Variants in OTOG observed in about 807,000 individuals in gnomAD.
OTOG encodes the protein otogelin.
A neutral mutation model predicts 313.8 loss-of-function variants in OTOG; 296 were observed. That is an observed-to-expected ratio of 0.94 (90% confidence interval 0.86 to 1.04). The LOEUF (loss-of-function observed/expected upper bound fraction) is 1.04. Among genes scored for constraint, OTOG ranks in the 50% least tolerant of loss-of-function variants. The probability of loss-of-function intolerance (pLI) is 0.00; values close to 1 mark genes in which losing one functional copy is unlikely to be tolerated. For synonymous variants in OTOG, 1,533 were observed against 1,554.9 expected, an observed-to-expected ratio of 0.99 and a Z score of 0.33; for missense variants, 3,948 against 3,840.1, an observed-to-expected ratio of 1.03 and a Z score of -0.74.
chr11:17,550,132 A>G (rs1033443793), intron 3 of OTOG, among the ~76,000 whole-genome samples: 5 of 152,294 alleles, frequency 3.3e-5, no homozygotes, highest in African/African-American at 1.2e-4. Flanking sequence ...AAACCACAAG[A>G]GTATTTGCAG....
chr11:17,577,010 G>C (rs954005991), intron 22 of OTOG, 99 bp downstream of exon 22: 17 of 1,268,308 alleles, frequency 1.3e-5, no homozygotes, highest in Non-Finnish European at 1.8e-5. Context: ...GCCCACTCCA[G>C]GTTTTGCCCT....
chr11:17,566,489 A>C (rs532735230), intron 15 of OTOG, among the ~76,000 whole-genome samples: 7 of 152,286 alleles, frequency 4.6e-5, no homozygotes, highest in African/African-American at 1.7e-4. Context: ...CATAAGTATA[A>C]ATATTTCTCT....
chr11:17,627,455 A>T (rs1191693465), intron 39 of OTOG, among the ~76,000 whole-genome samples: 1 of 152,128 alleles, frequency 6.6e-6, no homozygotes, highest in Non-Finnish European at 1.5e-5. Flanking sequence ...ACTTGGTCAC[A>T]ATTAATGATC....
At chr11:17,557,087 A>G in intron 7 of OTOG, 31 bp from the exon 8 acceptor site, 1 of 1,543,604 alleles carries the variant, frequency 6.5e-7, no homozygotes, top group Non-Finnish European at 8.7e-7. Context: ...GGTGTTGTGG[A>G]TACCCTGAAG....
chr11:17,632,054 C>T (rs1457705105), intron 41 of OTOG, 34 bp from the exon 42 acceptor site: 10 of 1,545,558 alleles, frequency 6.5e-6, no homozygotes, highest in South Asian at 4.8e-5. Flanking sequence ...ATGTGCCATC[C>T]GAGTAACCAG....
At chr11:17,570,883 T>C (rs1406843660) in intron 17 of OTOG, among the ~76,000 whole-genome samples, 1 of 152,260 alleles carries the variant, frequency 6.6e-6, no homozygotes, top group South Asian at 2.1e-4. Context: ...ACCAGGCCAG[T>C]CTAACCCTTG....
intron 39 of OTOG, among the ~76,000 whole-genome samples, chr11:17,619,824 T>C (rs1429297983): frequency 6.6e-6 from 1 of 152,252 alleles, no homozygotes; most frequent in Non-Finnish European, 1.5e-5. Flanking sequence ...TTTAACCACA[T>C]ATTTACCATT....
chr11:17,549,446 ACTT>A (rs1375202993), intron 3 of OTOG, among the ~76,000 whole-genome samples: 5 of 152,174 alleles, frequency 3.3e-5, no homozygotes, highest in Admixed American at 3.3e-4. Context: ...TGGATCTTTT[ACTT>A]CTTCTTTGCC....
At chr11:17,583,706 C>T (rs1045065862) in intron 23 of OTOG, among the ~76,000 whole-genome samples, 4 of 152,148 alleles carry the variant, frequency 2.6e-5, no homozygotes, top group African/African-American at 4.8e-5. Flanking sequence ...TATCCACTCT[C>T]TTGATTTATG....
In OTOG at chr11:17,553,144, C is replaced by G. The variant is rs1371623305; in HGVS notation, c.318C>G (p.Gly106=). The change falls in exon 5 of 56, where the codon GGC becomes GGG. Residue 106 remains glycine, a synonymous_variant. Transcript: ENST00000399397. ...PSYLFSCFNG[G]ECVHPAFCDC... is the part of the protein sequence containing the mutation. Reference sequence around the variant, plus strand: ...ACTTGTTCTCCTGCTTCAATGGAGGCGAGTGTGTGCACCCAGCCTTCTGTG... The same window carrying G: ...ACTTGTTCTCCTGCTTCAATGGAGGGGAGTGTGTGCACCCAGCCTTCTGTG... The G allele has an allele frequency of 6.4e-7, 1 of 1,550,414 alleles. No individual in the cohort carries two copies. Among genetic ancestry groups the G allele is most frequent in the African/African-American group, 1.4e-5 (1 of 73,032 alleles).
intron 24 of OTOG, among the ~76,000 whole-genome samples, chr11:17,590,074 T>G (rs971236848): frequency 2.0e-5 from 3 of 152,096 alleles, no homozygotes; most frequent in Admixed American, 6.5e-5. Flanking sequence ...TTATACTTAC[T>G]CCCTTGGTGA....
intron 30 of OTOG, among the ~76,000 whole-genome samples, chr11:17,598,352 T>C (rs1590030905): frequency 6.6e-6 from 1 of 152,246 alleles, no homozygotes. Context: ...TTTGTCTCAG[T>C]CTCTACTCTG....
At chr11:17,561,283 T>A in intron 14 of OTOG, 146 bp downstream of exon 14, 1 of 1,008,450 alleles carries the variant, frequency 9.9e-7, no homozygotes, top group Non-Finnish European at 1.5e-6. Flanking sequence ...TTCCTCAGAA[T>A]CACTTTGCCT....
chr11:17,575,003 C>G, intron 20 of OTOG, 91 bp downstream of exon 20: 1 of 1,260,454 alleles, frequency 7.9e-7, no homozygotes, highest in Non-Finnish European at 1.1e-6. Flanking sequence ...GGCTGGGCCT[C>G]TTGTGTCCCT....
chr11:17,614,002 C>A (rs1853664003), intron 39 of OTOG, among the ~76,000 whole-genome samples: 2 of 152,162 alleles, frequency 1.3e-5, no homozygotes, highest in African/African-American at 4.8e-5. Context: ...TAAAATATCT[C>A]ACTTTTGCAA....
chr11:17,572,042 G>A (rs1379096539), intron 17 of OTOG, 38 bp from the exon 18 acceptor site: 1 of 1,549,606 alleles, frequency 6.5e-7, no homozygotes, highest in Non-Finnish European at 8.7e-7. Flanking sequence ...TGAGTCCACA[G>A]GGGCAAGTGT....
chr11:17,593,148 C>G, intron 25 of OTOG, 45 bp from the exon 26 acceptor site: 3 of 1,520,824 alleles, frequency 2.0e-6, no homozygotes, highest in Non-Finnish European at 2.7e-6. Context: ...TTGGCAGGAT[C>G]TCCTTTCTCC....
chr11:17,624,950 C>T (rs779472324), intron 39 of OTOG, among the ~76,000 whole-genome samples: 68 of 152,126 alleles, frequency 4.5e-4, no homozygotes, highest in Non-Finnish European at 8.5e-4. Flanking sequence ...TGATTTGGCT[C>T]TCGGCTTAGC....
chr11:17,567,663 A>G (rs1177415038), intron 15 of OTOG, among the ~76,000 whole-genome samples: 2 of 152,118 alleles, frequency 1.3e-5, no homozygotes, highest in African/African-American at 2.4e-5. Context: ...ATCTTAAACC[A>G]CTTTGCCTGA....
Sources: allele counts gnomAD v4.1 joint callset (sites outside exome capture counted in the v4.1 genomes callset), GRCh38; gene constraint gnomAD v4.1.1; transcripts MANE v1.5; gene names NCBI Gene and HGNC (gene_info 2026-07-23, HGNC 2026-07-21).